The following LBX2 variants were observed in gnomAD, a reference collection of about 807,000 sequenced individuals.
The protein encoded by LBX2 is transcription factor LBX2.
In LBX2, 6 loss-of-function variants were observed where a neutral mutation model predicts 7.5. That is an observed-to-expected ratio of 0.80 (90% confidence interval 0.44 to 1.59). The LOEUF (loss-of-function observed/expected upper bound fraction) is 1.59, where lower values mean the gene tolerates loss of function less well. Among genes scored for constraint, LBX2 ranks in the 40% most tolerant of loss-of-function variants. LBX2 has a pLI of 0.01. For synonymous variants in LBX2, 143 were observed against 133.2 expected, an observed-to-expected ratio of 1.07 and a Z score of -0.51; for missense variants, 281 against 282.0, an observed-to-expected ratio of 1.00 and a Z score of 0.03.
upstream of LBX2, among the ~76,000 whole-genome samples, chr2:74,500,063 C>T (rs536164345): frequency 2.2e-4 from 34 of 152,280 alleles, 1 homozygote; most frequent in South Asian, 6.9e-3. Flanking sequence ...CTCTTCCCCA[C>T]CCCACCCCTG....
At position 74,499,297 on chromosome 2, in the gene LBX2, G is replaced by T. The variant is rs768596592; in HGVS notation, c.205+36C>A. 1.3e-4 allele frequency: 205 copies of T among 1,518,878 alleles called. No individual in the cohort carries two copies. Among genetic ancestry groups the T allele is most frequent in the Non-Finnish European group, 1.8e-4 (199 of 1,118,404 alleles). The allele number at this position is 1,518,878 out of a possible 1,614,324, so 94.1% of individuals were successfully genotyped here. On this transcript the variant is annotated intron_variant, in intron 1 of 1. Transcript: ENST00000377566. The surrounding 1 kb of genome is among the most constrained non-coding windows in gnomAD (Gnocchi z 4.6). ...CCAGGAGGAGAGAGGTGAGGAAAAGGCTAAGTCAGAGTCCGCGACCTTGCC... is the reference window on the plus strand; with the variant it reads ...CCAGGAGGAGAGAGGTGAGGAAAAGTCTAAGTCAGAGTCCGCGACCTTGCC...
chr2:74,501,119 C>T (rs1355084779), upstream of LBX2, among the ~76,000 whole-genome samples: 1 of 152,086 alleles, frequency 6.6e-6, no homozygotes, highest in Admixed American at 6.5e-5. Context: ...ACTCCAACAA[C>T]CCCCCTCCCC....
chr2:74,498,456 C>G, intron 1 of LBX2, 138 bp from the exon 2 acceptor site: 1 of 701,302 alleles, frequency 1.4e-6, no homozygotes, highest in Non-Finnish European at 2.3e-6. Flanking sequence ...GAGACCAGAA[C>G]TGTGATCCCT....
intron 1 of LBX2, 128 bp from the exon 2 acceptor site, chr2:74,498,446 G>A: frequency 4.1e-6 from 3 of 735,660 alleles, no homozygotes; most frequent in Non-Finnish European, 6.5e-6. Flanking sequence ...AAGGCGGACG[G>A]AGACCAGAAC....
At chr2:74,501,076 G>C (rs114252724), upstream of LBX2, among the ~76,000 whole-genome samples, 333 of 152,260 alleles carry the variant, frequency 2.2e-3, 2 homozygotes, top group African/African-American at 7.8e-3. Context: ...AGATGGGAAG[G>C]CACCTTGATA....
Position 74,499,357 on chromosome 2 carries a change from C to T in LBX2, c.181G>A (p.Ala61Thr). 1 of 1,550,606 alleles carries T rather than the reference C, an allele frequency of 6.4e-7. No individual in the cohort carries two copies. Among genetic ancestry groups the T allele is most frequent in the South Asian group, 1.2e-5 (1 of 84,064 alleles). The change falls in exon 1 of 2, where the codon GCG becomes ACG. Residue 61 changes from alanine to threonine, a missense_variant. Transcript: ENST00000377566. The surrounding 1 kb of genome is among the most constrained non-coding windows in gnomAD (Gnocchi z 4.6). ...CCTTCAGAGGGCTGCAGAGCGCGCG[C>T]GTCAAGTCCGCGGAAAGTTTTACTA... ...LTSKTFRGLD[A>T]RALQPSEGRA... is the part of the protein sequence containing the mutation.
chr2:74,503,075 C>A, upstream of LBX2: 1 of 509,396 alleles, frequency 2.0e-6, no homozygotes, highest in Non-Finnish European at 3.4e-6. The surrounding 1 kb of genome is among the most constrained non-coding windows in gnomAD (Gnocchi z 5.1). Flanking sequence ...GTGCAGACGG[C>A]GCCCTGGGGT....
upstream of LBX2, chr2:74,499,640 G>C (rs920958585): frequency 1.6e-6 from 2 of 1,273,318 alleles, no homozygotes; most frequent in Non-Finnish European, 2.1e-6. The surrounding 1 kb of genome is among the most constrained non-coding windows in gnomAD (Gnocchi z 4.6). Context: ...CCTCGGACCC[G>C]CCCCCGGCTC....
At position 74,499,521 on chromosome 2, in the gene LBX2, T is replaced by C. The variant is rs992793213; in HGVS notation, c.17A>G (p.Glu6Gly). MNSGR[E>G]PRTPRTLLSI... ...TAAGAGTGTCCGGGGTGTTCGGGGC[T>C]CGCGTCCCGAGTTCATGGTCGGCCG... Residue 6 changes from glutamate to glycine, a missense_variant, in exon 1 of 2, where the codon GAG (glutamate) becomes GGG (glycine). Coordinates refer to ENST00000377566, the MANE Select transcript of LBX2 (RefSeq NM_001282430.2). The surrounding 1 kb of genome is among the most constrained non-coding windows in gnomAD (Gnocchi z 4.6). 1.4e-5 allele frequency: 22 copies of C among 1,548,506 alleles called. No homozygotes were observed. In the Admixed American group the frequency reaches 4.3e-4, roughly 30 times the overall value.
At position 74,498,321 on chromosome 2, in the gene LBX2, G is replaced by A; in HGVS notation, c.206-3C>T. The stretch of plus-strand genomic sequence containing the variant: ...CAGCGCGTCCGGACCTGCCCGCCCT[G>A]TAGGGATAGGGAGGGGGTCAGTTTC... On this transcript the variant is annotated splice_polypyrimidine_tract_variant and splice_region_variant and intron_variant, in intron 1 of 1. Coordinates refer to ENST00000377566, the MANE Select transcript of LBX2 (RefSeq NM_001282430.2). 1 of 1,519,390 alleles carries A rather than the reference G, an allele frequency of 6.6e-7. No individual in the cohort carries two copies. Among genetic ancestry groups the A allele is most frequent in the East Asian group, 2.3e-5 (1 of 43,438 alleles). The allele number at this position is 1,519,390 out of a possible 1,614,324, so 94.1% of individuals were successfully genotyped here. A position where few individuals can be genotyped will look rare whatever the true frequency, so the allele number is the denominator to read the frequency against.
At chr2:74,499,772 A>G, upstream of LBX2, 2 of 586,578 alleles carry the variant, frequency 3.4e-6, no homozygotes, top group Non-Finnish European at 6.0e-6. This position sits in a 1 kb window ranked among gnomAD's most constrained non-coding sequence, Gnocchi z 4.6. Flanking sequence ...AGGCGCGGAG[A>G]GCAGAAGCCG....
In LBX2 at chr2:74,498,281, G is replaced by C; in HGVS notation, c.243C>G (p.Phe81Leu). Residue 81 changes from phenylalanine (F) to leucine (L), a missense_variant, in exon 2 of 2, where the codon TTC (phenylalanine) becomes TTG (leucine). Around this residue, in one of 3 missense-constraint regions of LBX2, gnomAD observed 216 missense variants for 208.7 expected, o/e 1.03. Transcript: ENST00000377566. ...TGCGTGACTTGCGCCGTTTGCGGCC[G>C]AAGGGACCAGGGCCCAGCGCGTCCG... ...AGPDALGPGP[F>L]GRKRRKSRTA... 1 of 1,579,586 alleles carries C rather than the reference G, an allele frequency of 6.3e-7. No individual in the cohort carries two copies. Among genetic ancestry groups the C allele is most frequent in the Non-Finnish European group, 8.6e-7 (1 of 1,167,240 alleles).
Position 74,497,968 on chromosome 2 carries a change from G to A in LBX2, c.556C>T (p.Arg186Trp), listed in dbSNP as rs530651750. ...LCLGPAGPDS[R>W]PHLSDEEIQV... ...ATCTCCTCGTCTGACAGGTGGGGCC[G>A]GGAGTCAGGGCCGGCAGGGCCGAGG... The change falls in exon 2 of 2, where the codon CGG becomes TGG. Residue 186 changes from arginine to tryptophan, a missense_variant. Transcript: ENST00000377566. 8.9e-5 allele frequency: 142 copies of A among 1,601,440 alleles called. 5 individuals carry two copies. In the South Asian group the frequency reaches 1.5e-3, roughly 17 times the overall value.
upstream of LBX2, chr2:74,499,609 G>C: frequency 1.4e-6 from 2 of 1,460,858 alleles, no homozygotes; most frequent in Non-Finnish European, 1.8e-6. The surrounding 1 kb of genome is among the most constrained non-coding windows in gnomAD (Gnocchi z 4.6). Context: ...CCAGTGCTCG[G>C]CTCCCAATCC....
upstream of LBX2, chr2:74,502,816 C>G: frequency 6.2e-7 from 1 of 1,613,688 alleles, no homozygotes. This position sits in a 1 kb window ranked among gnomAD's most constrained non-coding sequence, Gnocchi z 5.4. Context: ...CTTTTCTCCC[C>G]CCAACTCCCC....
chr2:74,503,126 C>A, upstream of LBX2: 1 of 430,060 alleles, frequency 2.3e-6, no homozygotes, highest in East Asian at 4.0e-5. This position sits in a 1 kb window ranked among gnomAD's most constrained non-coding sequence, Gnocchi z 5.1. Flanking sequence ...GAGCGCCGCG[C>A]CGCGTCCGGG....
At chr2:74,499,643 C>T, upstream of LBX2, 4 of 1,251,324 alleles carry the variant, frequency 3.2e-6, no homozygotes, top group Non-Finnish European at 4.4e-6. This position sits in a 1 kb window ranked among gnomAD's most constrained non-coding sequence, Gnocchi z 4.6. Context: ...CGGACCCGCC[C>T]CCGGCTCTGG....
In LBX2 at chr2:74,499,470, C is replaced by G; in HGVS notation, c.68G>C (p.Arg23Pro). The G allele has an allele frequency of 6.4e-7, 1 of 1,550,514 alleles. No individual in the cohort carries two copies. The highest frequency in any genetic ancestry group is 8.7e-7 in the Non-Finnish European group (1 of 1,146,952). Reference protein sequence around the residue: ...LLSIADILAPRMVPRAPSAPQ... With the variant: ...LLSIADILAPPMVPRAPSAPQ... ...CGCAGAGGGTGCTCGGGGGACCATG[C>G]GCGGGGCTAGGATGTCTGCGATGCT... Residue 23 changes from arginine to proline, a missense_variant, in exon 1 of 2, where the codon CGC (arginine) becomes CCC (proline). Arg to Pro is a moderately radical substitution (Grantham distance 103, BLOSUM62 -2). This residue lies in a region of LBX2 where 216 missense variants were observed against 208.7 expected (regional missense o/e 1.03). Transcript: ENST00000377566. This position sits in a 1 kb window ranked among gnomAD's most constrained non-coding sequence, Gnocchi z 4.6.
chr2:74,498,419 G>T, intron 1 of LBX2, 101 bp from the exon 2 acceptor site: 1 of 900,232 alleles, frequency 1.1e-6, no homozygotes, highest in African/African-American at 1.7e-5. Flanking sequence ...GGTGGGGGAA[G>T]TAGAGGGAGA....
Sources: allele counts gnomAD v4.1 joint callset (sites outside exome capture counted in the v4.1 genomes callset), GRCh38; gene constraint gnomAD v4.1.1; regional missense constraint gnomAD v4.1.1; non-coding constraint Gnocchi (gnomAD v3.1); transcripts MANE v1.5; gene names NCBI Gene and HGNC (gene_info 2026-07-23, HGNC 2026-07-21).